The following SLC12A1 variants were observed in gnomAD, a reference collection of about 807,000 sequenced individuals.
The protein encoded by SLC12A1 is Na-K-2Cl cotransporter.
In SLC12A1, 89 loss-of-function variants were observed where a neutral mutation model predicts 130.4. The observed-to-expected ratio is 0.68, with a 90% CI of 0.58 to 0.81. The LOEUF is 0.81. Ranked by LOEUF, SLC12A1 falls within the 40% of genes least tolerant of loss-of-function variation. The pLI is 0.00. For missense variants in SLC12A1, 1,310 were observed against 1,336.4 expected (o/e 0.98, Z 0.31); for synonymous variants, 499 against 460.0 (o/e 1.08, Z -1.09).
chr15:48,285,711 A>G (rs1041059865), intron 21 of SLC12A1, among the ~76,000 whole-genome samples: 12 of 152,232 alleles, frequency 7.9e-5, no homozygotes, highest in Admixed American at 1.3e-4. Context: ...ATCACAAACC[A>G]GAATGCACGA....
intron 15 of SLC12A1, among the ~76,000 whole-genome samples, chr15:48,253,336 G>A (rs936497979): frequency 5.9e-5 from 9 of 152,308 alleles, no homozygotes; most frequent in African/African-American, 2.2e-4. Flanking sequence ...ATACCCCTGT[G>A]TAGTCAATCT....
intron 16 of SLC12A1, among the ~76,000 whole-genome samples, chr15:48,257,095 A>G (rs1490463281): frequency 6.6e-6 from 1 of 152,220 alleles, no homozygotes; most frequent in African/African-American, 2.4e-5. Flanking sequence ...GCCCCATGCA[A>G]GTCCGAAATC....
chr15:48,255,579 A>C (rs541848470), intron 15 of SLC12A1, among the ~76,000 whole-genome samples: 1 of 152,358 alleles, frequency 6.6e-6, no homozygotes, highest in South Asian at 2.1e-4. Flanking sequence ...GCAGTTGTAC[A>C]GTCTGATCCT....
Position 48,208,069 on chromosome 15 carries a change from A to G in SLC12A1, c.350A>G (p.Asn117Ser). ...GTTCCCAAGATAGAGTACTATCGTA[A>G]CACCGGCAGCATCAGTGGGCCCAAG... ...DAVPKIEYYR[N>S]TGSISGPKVN... Residue 117 changes from asparagine to serine, a missense_variant, in exon 2 of 27, where the codon AAC becomes AGC. Transcript: ENST00000380993. The G allele has an allele frequency of 6.2e-7, 1 of 1,613,458 alleles. No homozygotes were observed. Among genetic ancestry groups the G allele is most frequent in the Non-Finnish European group, 8.5e-7 (1 of 1,179,578 alleles).
chr15:48,268,100 G>A (rs2041853536), intron 18 of SLC12A1, among the ~76,000 whole-genome samples: 1 of 152,088 alleles, frequency 6.6e-6, no homozygotes, highest in Admixed American at 6.6e-5. Context: ...TTTGCAAATG[G>A]TGTTAGGGCA....
intron 19 of SLC12A1, among the ~76,000 whole-genome samples, chr15:48,270,317 T>C (rs1385181720): frequency 6.6e-6 from 1 of 152,160 alleles, no homozygotes; most frequent in African/African-American, 2.4e-5. Context: ...AGGATGTAAG[T>C]AATAATGATA....
At chr15:48,273,477 C>T (rs1566851207) in intron 19 of SLC12A1, among the ~76,000 whole-genome samples, 1 of 152,190 alleles carries the variant, frequency 6.6e-6, no homozygotes, top group Non-Finnish European at 1.5e-5. Context: ...AGGAAGTACA[C>T]TCACAGGTTC....
chr15:48,250,797 G>C (rs551192782), intron 14 of SLC12A1, among the ~76,000 whole-genome samples: 1 of 151,924 alleles, frequency 6.6e-6, no homozygotes, highest in East Asian at 1.9e-4. Context: ...TTAGGAAATT[G>C]CTCCCAAACA....
intron 4 of SLC12A1, chr15:48,221,474 C>T (rs1162400884): frequency 1.8e-5 from 12 of 672,334 alleles, no homozygotes; most frequent in East Asian, 1.6e-4. Flanking sequence ...GTGTTACTTT[C>T]GGGTACCAGC....
chr15:48,249,891 TC>T (rs1407548047), intron 14 of SLC12A1, among the ~76,000 whole-genome samples: 3 of 152,304 alleles, frequency 2.0e-5, no homozygotes, highest in Admixed American at 2.0e-4. Flanking sequence ...AACCAGAAAG[TC>T]AATTTTCTCC....
chr15:48,240,380 C>G (rs1278319136), intron 9 of SLC12A1, among the ~76,000 whole-genome samples: 17 of 151,974 alleles, frequency 1.1e-4, no homozygotes, highest in Admixed American at 1.0e-3. Context: ...ATGTACATGT[C>G]AGAACAAACC....
At position 48,207,055 on chromosome 15, in the gene SLC12A1, T is replaced by C. The variant is rs535278689; in HGVS notation, c.-186-479T>C. 5.3e-5 allele frequency among the ~76,000 whole-genome samples: 8 copies of C among 152,282 alleles called. No individual in the cohort carries two copies. In the East Asian group the frequency reaches 1.3e-3, roughly 26 times the overall value. ...ATTTGGAATTTATAAGTTGAACATG[T>C]ACAGATTTTTATAAACTAGCAAGAA... On this transcript the variant is annotated intron_variant, in intron 1 of 26. Transcript: ENST00000380993.
intron 24 of SLC12A1, among the ~76,000 whole-genome samples, chr15:48,297,117 T>G (rs763209917): frequency 6.6e-5 from 10 of 152,118 alleles, no homozygotes; most frequent in Non-Finnish European, 1.2e-4. Flanking sequence ...TCTCTTTCAG[T>G]CTCCCTACTT....
chr15:48,292,926 T>C lies in SLC12A1; in HGVS notation c.2960+1062T>C, dbSNP rs189456650. ...TGATATTTTTGGGGGTTTTGTGGGGTTTTTTTTGAGACAGGGTCTCACTCT... is the reference window on the plus strand; with the variant it reads ...TGATATTTTTGGGGGTTTTGTGGGGCTTTTTTTGAGACAGGGTCTCACTCT... On this transcript the variant is annotated intron_variant, in intron 24 of 26. Coordinates refer to ENST00000380993, the MANE Select transcript of SLC12A1 (RefSeq NM_000338.3). Among the ~76,000 whole-genome samples the C allele has an allele frequency of 3.1e-3, 466 of 151,634 alleles. 3 individuals are homozygous for C. The highest frequency in any genetic ancestry group is 0.011 in the African/African-American group (441 of 41,284).
At chr15:48,282,490 CA>C (rs907328881) in intron 20 of SLC12A1, among the ~76,000 whole-genome samples, 2 of 150,198 alleles carry the variant, frequency 1.3e-5, no homozygotes, top group Non-Finnish European at 3.0e-5. Context: ...GGAGCCTGCC[CA>C]AAAAAAAAGA....
At chr15:48,248,134 A>C (rs1316102991) in intron 13 of SLC12A1, among the ~76,000 whole-genome samples, 1 of 152,200 alleles carries the variant, frequency 6.6e-6, no homozygotes, top group African/African-American at 2.4e-5. Flanking sequence ...AGAGGAAAAG[A>C]AGCAGAAGGC....
At chr15:48,254,521 G>T (rs1171540915) in intron 15 of SLC12A1, among the ~76,000 whole-genome samples, 1 of 138,782 alleles carries the variant, frequency 7.2e-6, no homozygotes, top group African/African-American at 2.7e-5. Context: ...GTCATCTGGG[G>T]TGTATCTGTA....
At position 48,244,951 on chromosome 15, in the gene SLC12A1, T is replaced by G. The variant is rs149901741; in HGVS notation, c.1452+47T>G. ...TGTTCACTGCTATTATTTTCATTTTTTGAATGTCACATAGAGTAAGATTTC... is the reference window on the plus strand; with the variant it reads ...TGTTCACTGCTATTATTTTCATTTTGTGAATGTCACATAGAGTAAGATTTC... On this transcript the variant is annotated intron_variant, in intron 11 of 26. Coordinates refer to ENST00000380993, the MANE Select transcript of SLC12A1 (RefSeq NM_000338.3). The G allele has an allele frequency of 4.4e-4, 692 of 1,564,638 alleles. 4 individuals are homozygous for G. The African/African-American group carries it at 8.4e-3, about 19-fold the overall frequency.
chr15:48,300,799 C>T (rs140215507), intron 25 of SLC12A1, among the ~76,000 whole-genome samples: 1 of 152,226 alleles, frequency 6.6e-6, no homozygotes, highest in East Asian at 1.9e-4. Context: ...AATTGAAAGC[C>T]CCCTCTGCTT....
Sources: gnomAD v4.1 joint callset for allele counts (sites outside exome capture counted in the v4.1 genomes callset) on GRCh38, gnomAD v4.1.1 for gene constraint, MANE v1.5 for transcripts, NCBI Gene and HGNC (gene_info 2026-07-23, HGNC 2026-07-21) for gene names.